HDAC8: variants seen among roughly 807,000 people sequenced by gnomAD.
HDAC8 encodes the protein histone deacetylase 8, also known as histone deacetylase-like 1.
HDAC8 carries 1 observed loss-of-function variant against 32.2 expected under a neutral mutation model. That is an observed-to-expected ratio of 0.03 (90% CI 0.01 to 0.15). The LOEUF (loss-of-function observed/expected upper bound fraction) is 0.15. HDAC8 is among the 10% of genes least tolerant of loss of function. The pLI is 1.00. For missense variants in HDAC8, 117 were observed against 300.0 expected (o/e 0.39, Z 4.51); for synonymous variants, 108 against 113.9 (o/e 0.95, Z 0.33).
chrX:72,401,857 A>G (rs993376508), intron 9 of HDAC8, among the ~76,000 whole-genome samples: 3 of 112,415 alleles, frequency 2.7e-5, no homozygotes, highest in Non-Finnish European at 3.8e-5. Flanking sequence ...GTAAATAATA[A>G]CAGCCTCATA....
chrX:72,371,789 G>A (rs1246544840), intron 9 of HDAC8, among the ~76,000 whole-genome samples: 1 of 111,918 alleles, frequency 8.9e-6, no homozygotes, highest in Non-Finnish European at 1.9e-5. Context: ...GCCTATGAAT[G>A]CAGGCAATCC....
intron 7 of HDAC8, chrX:72,466,664 T>A (rs2048025066): frequency 8.9e-6 from 1 of 112,374 alleles, no homozygotes; most frequent in African/African-American, 3.2e-5. Flanking sequence ...CAGTTCCTGT[T>A]AAGACTAAAA....
At chrX:72,483,223 T>C (rs1032162437) in intron 7 of HDAC8, among the ~76,000 whole-genome samples, 50 of 111,765 alleles carry the variant, frequency 4.5e-4, no homozygotes, top group Non-Finnish European at 3.4e-4. Flanking sequence ...CCTATTGATA[T>C]AGTTTGAATG....
At chrX:72,501,972 T>C (rs782019140) in intron 4 of HDAC8, among the ~76,000 whole-genome samples, 1 of 111,971 alleles carries the variant, frequency 8.9e-6, no homozygotes, top group Non-Finnish European at 1.9e-5. Flanking sequence ...TATGAACAGA[T>C]ACTTTTCAAA....
chrX:72,358,442 A>T (rs2044438691), intron 9 of HDAC8, among the ~76,000 whole-genome samples: 1 of 111,883 alleles, frequency 8.9e-6, no homozygotes, highest in Admixed American at 9.5e-5. Context: ...ATACTGTGAC[A>T]GTTGGTCTGA....
chrX:72,531,350 A>G (rs1272781319), intron 4 of HDAC8, among the ~76,000 whole-genome samples: 3 of 111,962 alleles, frequency 2.7e-5, no homozygotes, highest in Non-Finnish European at 3.8e-5. Context: ...TTGGAGGGAT[A>G]CTTGAGCCAA....
At chrX:72,477,322 T>C (rs1453044160) in intron 7 of HDAC8, among the ~76,000 whole-genome samples, 2 of 112,284 alleles carry the variant, frequency 1.8e-5, no homozygotes, top group Non-Finnish European at 3.8e-5. Context: ...GTTTAATACA[T>C]ACGGGTGGGA....
At chrX:72,472,653 G>C (rs782024539) in intron 7 of HDAC8, among the ~76,000 whole-genome samples, 183 of 111,696 alleles carry the variant, frequency 1.6e-3, no homozygotes, top group Non-Finnish European at 2.6e-3. Flanking sequence ...TTGCTATTCT[G>C]GGTTGAATTT....
chrX:72,528,559 G>T (rs1421453562), intron 4 of HDAC8, among the ~76,000 whole-genome samples: 1 of 112,057 alleles, frequency 8.9e-6, no homozygotes, highest in African/African-American at 3.2e-5. Flanking sequence ...CAGTAATGTA[G>T]TAGAGGGCAT....
chrX:72,570,577 C>G (rs2051988475), intron 2 of HDAC8, among the ~76,000 whole-genome samples: 1 of 102,793 alleles, frequency 9.7e-6, no homozygotes. Context: ...CCACTGCACT[C>G]CAGCCTGCGC....
At chrX:72,437,522 G>A (rs1420429976) in intron 9 of HDAC8, among the ~76,000 whole-genome samples, 1 of 111,323 alleles carries the variant, frequency 9.0e-6, no homozygotes, top group Non-Finnish European at 1.9e-5. Flanking sequence ...GGGGGCTGAA[G>A]TCAGGGAGCC....
chrX:72,439,579 C>CA (rs1410796054), intron 9 of HDAC8, among the ~76,000 whole-genome samples: 1 of 86,886 alleles, frequency 1.2e-5, no homozygotes, highest in Non-Finnish European at 2.1e-5. Flanking sequence ...ATCTCACGTG[C>CA]AAAGACACAC....
chrX:72,338,658 T>TC (rs2043792629), intron 10 of HDAC8, among the ~76,000 whole-genome samples: 1 of 84,521 alleles, frequency 1.2e-5, no homozygotes, highest in Non-Finnish European at 2.3e-5. Flanking sequence ...TATATATATT[T>TC]ATAAATATAT....
At chrX:72,403,691 G>A (rs1165005337) in intron 9 of HDAC8, among the ~76,000 whole-genome samples, 1 of 111,647 alleles carries the variant, frequency 9.0e-6, no homozygotes, top group Non-Finnish European at 1.9e-5. Context: ...GTTGGTTGTG[G>A]TGGTGGGCAC....
At chrX:72,543,377 T>A (rs1474737018) in intron 4 of HDAC8, among the ~76,000 whole-genome samples, 1 of 111,505 alleles carries the variant, frequency 9.0e-6, no homozygotes, top group East Asian at 2.8e-4. Flanking sequence ...ACGTGGTTAA[T>A]GCATATGGCT....
At chrX:72,391,067 T>C (rs2045599699) in intron 9 of HDAC8, among the ~76,000 whole-genome samples, 1 of 112,228 alleles carries the variant, frequency 8.9e-6, no homozygotes, top group Admixed American at 9.5e-5. Flanking sequence ...GGCTGTACTA[T>C]AAAATTTAAA....
chrX:72,467,243 C>A (rs782695140), intron 7 of HDAC8: 1 of 110,370 alleles, frequency 9.1e-6, no homozygotes, highest in East Asian at 2.8e-4. Flanking sequence ...TCTAAATAAG[C>A]TCTATGGCTT....
chrX:72,385,228 C>T (rs782178009), intron 9 of HDAC8, among the ~76,000 whole-genome samples: 4 of 111,548 alleles, frequency 3.6e-5, no homozygotes, highest in African/African-American at 1.3e-4. Context: ...CTTTGGGAGG[C>T]CGAGGCAGGA....
At chrX:72,484,604 T>G (rs957720667) in intron 7 of HDAC8, among the ~76,000 whole-genome samples, 11 of 112,213 alleles carry the variant, frequency 9.8e-5, no homozygotes, top group African/African-American at 3.6e-4. Context: ...TTCTGGCTGT[T>G]AGGGCTATAA....
Sources: allele counts gnomAD v4.1 joint callset (sites outside exome capture counted in the v4.1 genomes callset), GRCh38; gene constraint gnomAD v4.1.1; transcripts MANE v1.5; gene names NCBI Gene and HGNC (gene_info 2026-07-23, HGNC 2026-07-21).